The following GNA13 variants were observed in gnomAD, a reference collection of about 807,000 sequenced individuals.
GNA13 encodes the protein G protein subunit alpha 13.
GNA13 carries 4 observed loss-of-function variants against 33.5 expected under a neutral mutation model. That is an observed-to-expected ratio of 0.12 (90% CI 0.06 to 0.27). The LOEUF is 0.27. Ranked by LOEUF, GNA13 falls within the 10% of genes least tolerant of loss-of-function variation. GNA13 has a pLI of 1.00. For missense variants in GNA13, 319 were observed against 487.2 expected (o/e 0.65, Z 3.25); for synonymous variants, 176 against 183.8 (o/e 0.96, Z 0.34).
At chr17:65,019,252 G>A (rs1906497067) in intron 2 of GNA13, among the ~76,000 whole-genome samples, 1 of 152,106 alleles carries the variant, frequency 6.6e-6, no homozygotes, top group Non-Finnish European at 1.5e-5. Context: ...CTTGAAAGTA[G>A]CAGTTCTATA....
At chr17:65,047,095 A>C (rs1411093435) in intron 2 of GNA13, among the ~76,000 whole-genome samples, 1 of 152,246 alleles carries the variant, frequency 6.6e-6, no homozygotes, top group Non-Finnish European at 1.5e-5. Flanking sequence ...AAAAGAAATT[A>C]ATTAAAAAGA....
chr17:65,020,978 G>T (rs1441189724), intron 2 of GNA13, among the ~76,000 whole-genome samples: 2 of 152,096 alleles, frequency 1.3e-5, no homozygotes, highest in African/African-American at 4.8e-5. Flanking sequence ...AAATTTCAAA[G>T]AAATTTCATT....
intron 3 of GNA13, among the ~76,000 whole-genome samples, chr17:65,015,662 T>TAAAAAAA (rs59210481): frequency 1.3e-5 from 1 of 74,716 alleles, no homozygotes; most frequent in African/African-American, 5.7e-5. Context: ...GACTTTGTCT[T>TAAAAAAA]AAAAAAAAAA....
intron 2 of GNA13, 94 bp downstream of exon 2, chr17:65,053,408 G>A (rs1278929760): frequency 2.6e-6 from 2 of 780,320 alleles, no homozygotes; most frequent in South Asian, 3.1e-5. Context: ...TTAGATTTGG[G>A]AACATTTCGA....
At chr17:65,054,412 C>G (rs1489703246) in intron 1 of GNA13, among the ~76,000 whole-genome samples, 2 of 152,164 alleles carry the variant, frequency 1.3e-5, no homozygotes, top group Admixed American at 1.3e-4. Flanking sequence ...TAAGTTTGAT[C>G]AATCTGAACA....
At chr17:65,033,327 A>G (rs1907120929) in intron 2 of GNA13, among the ~76,000 whole-genome samples, 1 of 151,736 alleles carries the variant, frequency 6.6e-6, no homozygotes, top group Non-Finnish European at 1.5e-5. Flanking sequence ...TCTAAAAAAA[A>G]AAGAAGAAAT....
intron 2 of GNA13, among the ~76,000 whole-genome samples, chr17:65,031,921 A>AGTGTGTGTGTGTGTGT (rs148637639): frequency 3.4e-4 from 31 of 91,706 alleles, no homozygotes; most frequent in African/African-American, 6.3e-4. Flanking sequence ...AGAGAGAGAG[A>AGTGTGTGTGTGTGTGT]GTGTGTGTGT....
At position 65,012,403 on chromosome 17, in the gene GNA13, G is replaced by A. The variant is rs901729971; in HGVS notation, c.*1854C>T. On this transcript the variant is annotated 3_prime_UTR_variant, in exon 4 of 4. Transcript: ENST00000439174. ...TGCTAATTTTGTGAATTTAAACAAT[G>A]TATTCTTTTTGGCAAGAAGCACTAG... The A allele has an allele frequency of 2.1e-4, 47 of 221,894 alleles. No individual in the cohort carries two copies. The highest frequency in any genetic ancestry group is 7.5e-4 in the Admixed American group (13 of 17,396). The allele number at this position is 221,894 out of a possible 1,614,324, so 13.7% of individuals were successfully genotyped here.
At position 65,010,467 on chromosome 17, in the gene GNA13, A is replaced by T. The variant is rs1335143756; in HGVS notation, c.*3790T>A. On this transcript the variant is annotated 3_prime_UTR_variant, in exon 4 of 4. Transcript: ENST00000439174. ...AATCTCTCCCCTCCTCATGTTTACT[A>T]GACTGAAAAGCCACCCTGTATCCTA... Among the ~76,000 whole-genome samples, 2 of 152,130 alleles carry T rather than the reference A, an allele frequency of 1.3e-5. No individual in the cohort carries two copies. The highest frequency in any genetic ancestry group is 2.9e-5 in the Non-Finnish European group (2 of 68,030).
intron 2 of GNA13, among the ~76,000 whole-genome samples, chr17:65,034,369 G>A (rs1026091449): frequency 1.3e-5 from 2 of 151,894 alleles, no homozygotes; most frequent in Non-Finnish European, 2.9e-5. Context: ...AATAATTTAA[G>A]GCTAATAATT....
intron 2 of GNA13, among the ~76,000 whole-genome samples, chr17:65,046,409 A>G (rs1186874272): frequency 6.6e-6 from 1 of 151,364 alleles, no homozygotes; most frequent in African/African-American, 2.4e-5. Context: ...CCTTCTCTCA[A>G]CCTCCCAAGT....
intron 2 of GNA13, among the ~76,000 whole-genome samples, chr17:65,045,069 A>C (rs1000985871): frequency 8.6e-5 from 13 of 151,908 alleles, no homozygotes; most frequent in Non-Finnish European, 1.8e-4. Context: ...AGAAAAGAAA[A>C]GAAAAAGTGT....
chr17:65,043,039 A>G lies in GNA13; in HGVS notation c.510+10463T>C, dbSNP rs183953485. Among the ~76,000 whole-genome samples, 6 of 152,250 alleles carry G rather than the reference A, an allele frequency of 3.9e-5. No homozygotes were observed. In the East Asian group the frequency reaches 9.7e-4, roughly 25 times the overall value. On this transcript the variant is annotated intron_variant, in intron 2 of 3. Transcript: ENST00000439174. ...TGGGTTATCTCATGTCCTCGTCACA[A>G]TAGTAACAGTAGGTCCCTAATAATA...
intron 2 of GNA13, among the ~76,000 whole-genome samples, chr17:65,020,978 G>A (rs1441189724): frequency 6.6e-6 from 1 of 152,096 alleles, no homozygotes; most frequent in Non-Finnish European, 1.5e-5. Context: ...AAATTTCAAA[G>A]AAATTTCATT....
At chr17:65,016,067 A>T (rs762412356) in intron 3 of GNA13, among the ~76,000 whole-genome samples, 1 of 152,212 alleles carries the variant, frequency 6.6e-6, no homozygotes. Flanking sequence ...TGCTGGTCAC[A>T]CAAGTCTCTG....
rs114465025 is a variant in GNA13 at position 65,049,709 on chromosome 17, G to A, written c.510+3793C>T. Among the ~76,000 whole-genome samples, 664 of 152,292 alleles carry A rather than the reference G, an allele frequency of 4.4e-3. 2 individuals are homozygous for A. Among genetic ancestry groups the A allele is most frequent in the African/African-American group, 0.016 (647 of 41,554 alleles). The stretch of plus-strand genomic sequence containing the variant: ...CACTGTTCCTGGGGAAAGGGAGGGG[G>A]CATGGAGCAAATTCATCCAAACCAC... On this transcript the variant is annotated intron_variant, in intron 2 of 3. Coordinates refer to ENST00000439174, the MANE Select transcript of GNA13 (RefSeq NM_006572.6).
intron 2 of GNA13, among the ~76,000 whole-genome samples, chr17:65,052,511 G>C (rs1301462091): frequency 6.6e-6 from 1 of 152,122 alleles, no homozygotes; most frequent in Non-Finnish European, 1.5e-5. Context: ...AAACACTTCA[G>C]ATCTGAACTA....
At chr17:65,051,521 A>T (rs148820837) in intron 2 of GNA13, among the ~76,000 whole-genome samples, 2 of 152,318 alleles carry the variant, frequency 1.3e-5, no homozygotes, top group Admixed American at 1.3e-4. Context: ...AGGCTGAGGC[A>T]GGAGAATCGC....
chr17:65,047,579 T>C (rs965927930), intron 2 of GNA13, among the ~76,000 whole-genome samples: 8 of 152,030 alleles, frequency 5.3e-5, no homozygotes, highest in African/African-American at 9.7e-5. Flanking sequence ...AAAAGAAACA[T>C]AGTATTTTAC....
Sources: gnomAD v4.1 joint callset for allele counts (sites outside exome capture counted in the v4.1 genomes callset) on GRCh38, gnomAD v4.1.1 for gene constraint, MANE v1.5 for transcripts, NCBI Gene and HGNC (gene_info 2026-07-23, HGNC 2026-07-21) for gene names.